The following PCDH9 variants were observed in gnomAD, a reference collection of about 807,000 sequenced individuals.
PCDH9 encodes protocadherin-9.
In PCDH9, 24 loss-of-function variants were observed where a neutral mutation model predicts 70.6. The observed-to-expected ratio is 0.34, with a 90% CI of 0.25 to 0.48. The LOEUF (loss-of-function observed/expected upper bound fraction) is 0.48. PCDH9 is among the 20% of genes least tolerant of loss of function. PCDH9 has a pLI of 0.99. For missense variants in PCDH9, 1,281 were observed against 1,503.6 expected (o/e 0.85, Z 2.45); for synonymous variants, 562 against 558.5 (o/e 1.01, Z -0.09).
intron 4 of PCDH9, among the ~76,000 whole-genome samples, chr13:66,344,228 C>T (rs535034252): frequency 2.7e-4 from 41 of 152,076 alleles, no homozygotes; most frequent in African/African-American, 9.4e-4. Flanking sequence ...CTGCAACCTC[C>T]GCCTCCCAGG....
At chr13:66,467,077 T>C (rs1222918034) in intron 4 of PCDH9, among the ~76,000 whole-genome samples, 2 of 152,038 alleles carry the variant, frequency 1.3e-5, no homozygotes, top group Admixed American at 1.3e-4. Flanking sequence ...AATGGGGAAG[T>C]AGCTTTTTCT....
At chr13:66,954,920 C>T (rs138715767) in intron 2 of PCDH9, among the ~76,000 whole-genome samples, 133 of 152,260 alleles carry the variant, frequency 8.7e-4, no homozygotes, top group African/African-American at 3.1e-3. Flanking sequence ...CCTGCCTCCA[C>T]GCCCGGCTAA....
intron 2 of PCDH9, among the ~76,000 whole-genome samples, chr13:67,059,239 T>C (rs1404357095): frequency 6.6e-6 from 1 of 151,408 alleles, no homozygotes; most frequent in African/African-American, 2.4e-5. Context: ...TACGGTGTGC[T>C]AGCATTATTC....
chr13:66,841,831 A>G (rs930095745), intron 3 of PCDH9, among the ~76,000 whole-genome samples: 1 of 152,216 alleles, frequency 6.6e-6, no homozygotes, highest in Admixed American at 6.5e-5. Context: ...CAATGATTCT[A>G]TTGCTTTATT....
At chr13:66,384,834 T>C (rs1251225406) in intron 4 of PCDH9, among the ~76,000 whole-genome samples, 1 of 151,764 alleles carries the variant, frequency 6.6e-6, no homozygotes, top group Non-Finnish European at 1.5e-5. Context: ...CCAGATAATT[T>C]TTTTTTGTAT....
chr13:66,523,835 T>C (rs1960101978), intron 4 of PCDH9, among the ~76,000 whole-genome samples: 2 of 152,126 alleles, frequency 1.3e-5, no homozygotes, highest in African/African-American at 4.8e-5. Flanking sequence ...CAATTTTTTA[T>C]GATTTTTATA....
intron 4 of PCDH9, among the ~76,000 whole-genome samples, chr13:66,480,933 G>A (rs1292058637): frequency 6.6e-6 from 1 of 152,092 alleles, no homozygotes; most frequent in African/African-American, 2.4e-5. Context: ...ATGATAGACT[G>A]GATAAAGAAA....
chr13:66,445,490 A>G (rs1022336498), intron 4 of PCDH9, among the ~76,000 whole-genome samples: 1 of 144,490 alleles, frequency 6.9e-6, no homozygotes, highest in African/African-American at 2.6e-5. Context: ...CATAAAATAT[A>G]TACACATATA....
intron 3 of PCDH9, among the ~76,000 whole-genome samples, chr13:66,809,003 G>A (rs563569994): frequency 3.3e-5 from 5 of 152,164 alleles, no homozygotes; most frequent in African/African-American, 9.6e-5. Context: ...GCTGGAGTGC[G>A]GTGGCGCTAT....
intron 4 of PCDH9, among the ~76,000 whole-genome samples, chr13:66,349,741 T>C (rs1161874120): frequency 6.6e-6 from 1 of 152,054 alleles, no homozygotes; most frequent in African/African-American, 2.4e-5. Context: ...ACAGAAAAGG[T>C]AGCAGAAGGA....
intron 4 of PCDH9, among the ~76,000 whole-genome samples, chr13:66,472,074 T>C (rs1053493223): frequency 6.6e-6 from 1 of 151,622 alleles, no homozygotes; most frequent in Admixed American, 6.6e-5. Context: ...TAGCTGGGCG[T>C]GGTGGTGGGC....
chr13:66,942,412 G>C (rs1356855469), intron 2 of PCDH9, among the ~76,000 whole-genome samples: 1 of 151,770 alleles, frequency 6.6e-6, no homozygotes, highest in African/African-American at 2.4e-5. Context: ...TTGTTTAGAT[G>C]CGTGAAAGTA....
chr13:66,875,750 A>C (rs2081795954), intron 3 of PCDH9, among the ~76,000 whole-genome samples: 1 of 152,222 alleles, frequency 6.6e-6, no homozygotes, highest in Admixed American at 6.5e-5. Flanking sequence ...TACTGCTAAC[A>C]ATTTACAGTT....
chr13:66,342,327 T>C (rs1338544129), intron 4 of PCDH9, among the ~76,000 whole-genome samples: 7 of 152,200 alleles, frequency 4.6e-5, no homozygotes, highest in Admixed American at 3.9e-4. Flanking sequence ...ACAACTTGCT[T>C]TTAAAATAGA....
At chr13:66,605,518 A>C (rs1202622530) in intron 4 of PCDH9, among the ~76,000 whole-genome samples, 1 of 152,170 alleles carries the variant, frequency 6.6e-6, no homozygotes, top group East Asian at 1.9e-4. Flanking sequence ...CAAGTATTGA[A>C]CTGTAGGCTT....
At chr13:67,203,193 GATAAAT>G (rs1383650228) in intron 2 of PCDH9, 1 of 152,038 alleles carries the variant, frequency 6.6e-6, no homozygotes, top group African/African-American at 2.4e-5. Flanking sequence ...TTTGAAATTA[GATAAAT>G]ATAAACAAGC....
At position 66,943,683 on chromosome 13, in the gene PCDH9, T is replaced by C. The variant is rs564859660; in HGVS notation, c.3037-40078A>G. ...TACAGATCTCTATAACCAAAGGATA[T>C]GTGTATTTATGCTTTGCATTAAAAA... On this transcript the variant is annotated intron_variant, in intron 2 of 4. Coordinates refer to ENST00000377865, the MANE Select transcript of PCDH9 (RefSeq NM_203487.3). Among the ~76,000 whole-genome samples the C allele has an allele frequency of 9.2e-5, 14 of 152,166 alleles. No individual in the cohort carries two copies. The South Asian group carries it at 1.2e-3, about 14-fold the overall frequency.
chr13:66,643,753 T>C (rs2077737355), intron 3 of PCDH9, among the ~76,000 whole-genome samples: 1 of 152,058 alleles, frequency 6.6e-6, no homozygotes, highest in Non-Finnish European at 1.5e-5. Flanking sequence ...GATAGAGCAA[T>C]CTAGAAGGTA....
intron 3 of PCDH9, among the ~76,000 whole-genome samples, chr13:66,651,374 A>G (rs1259362317): frequency 6.6e-6 from 1 of 151,968 alleles, no homozygotes; most frequent in Non-Finnish European, 1.5e-5. Flanking sequence ...AATATGAGCA[A>G]CTATGTGCCA....
Sources: allele counts gnomAD v4.1 joint callset (sites outside exome capture counted in the v4.1 genomes callset), GRCh38; gene constraint gnomAD v4.1.1; transcripts MANE v1.5; gene names NCBI Gene and HGNC (gene_info 2026-07-23, HGNC 2026-07-21).